Variants in SLC44A1 observed in about 807,000 individuals in gnomAD.
The protein encoded by SLC44A1 is solute carrier family 44 member 1.
A neutral mutation model predicts 79.3 loss-of-function variants in SLC44A1; 26 were observed. That is an observed-to-expected ratio of 0.33 (90% CI 0.24 to 0.46). SLC44A1 has a LOEUF of 0.46. SLC44A1 is among the 20% of genes least tolerant of loss of function. The probability of loss-of-function intolerance (pLI) is 1.00; values close to 1 mark genes in which losing one functional copy is unlikely to be tolerated. For missense variants in SLC44A1, 688 were observed against 798.1 expected (o/e 0.86, Z 1.66); for synonymous variants, 263 against 286.2 (o/e 0.92, Z 0.82).
At chr9:105,412,186 C>T (rs758195853) in intron 15 of SLC44A1, among the ~76,000 whole-genome samples, 2 of 152,070 alleles carry the variant, frequency 1.3e-5, no homozygotes, top group South Asian at 4.1e-4. Context: ...TGTTAAATAA[C>T]GTTTTAATTA....
intron 12 of SLC44A1, among the ~76,000 whole-genome samples, chr9:105,366,938 C>G (rs1564461922): frequency 1.4e-5 from 2 of 145,610 alleles, no homozygotes; most frequent in East Asian, 4.0e-4. Context: ...TATGCTGATA[C>G]TTTTTTTTTT....
In SLC44A1 at chr9:105,390,922, T is replaced by C. The variant is rs1004270194; in HGVS notation, c.*1866T>C. 2.0e-6 allele frequency: 2 copies of C among 979,972 alleles called. No homozygotes were observed. The highest frequency in any genetic ancestry group is 1.2e-4 in the Admixed American group (2 of 16,236). The allele number at this position is 979,972 out of a possible 1,614,324, so 60.7% of individuals were successfully genotyped here. A position where few individuals can be genotyped will look rare whatever the true frequency, so the allele number is the denominator to read the frequency against. On this transcript the variant is annotated 3_prime_UTR_variant, in exon 16 of 16. Coordinates refer to ENST00000374720, the MANE Select transcript of SLC44A1 (RefSeq NM_080546.5). ...GTATCACCAAACAGTATCGCTGTTC[T>C]CTTTTATTCATTTGAAATGAATATA...
intron 1 of SLC44A1, among the ~76,000 whole-genome samples, chr9:105,264,514 G>A (rs1215776714): frequency 3.3e-5 from 5 of 152,162 alleles, no homozygotes; most frequent in South Asian, 2.1e-4. Flanking sequence ...CTTAACAGCC[G>A]AGTCATGTAG....
intron 1 of SLC44A1, among the ~76,000 whole-genome samples, chr9:105,245,497 CCTCGCTTG>C (rs1829416255): frequency 6.6e-6 from 1 of 152,230 alleles, no homozygotes; most frequent in Admixed American, 6.5e-5. Flanking sequence ...GCTCCGCAGA[CCTCGCTTG>C]CTCGCTTGCA....
intron 1 of SLC44A1, among the ~76,000 whole-genome samples, chr9:105,289,977 C>T (rs538771144): frequency 6.6e-6 from 1 of 152,048 alleles, no homozygotes. Context: ...CCATGCCTGG[C>T]GAATTTGTTT....
rs1039295651 is a variant in SLC44A1, at chr9:105,390,374, A to G, written c.*1318A>G. 1.0e-6 allele frequency: 1 copy of G among 972,110 alleles called. No homozygotes were observed. Among genetic ancestry groups the G allele is most frequent in the South Asian group, 4.8e-5 (1 of 20,786 alleles). The allele number at this position is 972,110 out of a possible 1,614,324, so 60.2% of individuals were successfully genotyped here. ...AAAAAAGCTATTTTTGTTAATGTAA[A>G]GTAAATATTTCAGAGCAAATTTTTT... On this transcript the variant is annotated 3_prime_UTR_variant, in exon 16 of 16. Coordinates refer to ENST00000374720, the MANE Select transcript of SLC44A1 (RefSeq NM_080546.5).
chr9:105,279,223 C>T (rs1360669497), intron 1 of SLC44A1, among the ~76,000 whole-genome samples: 1 of 145,938 alleles, frequency 6.9e-6, no homozygotes, highest in Non-Finnish European at 1.5e-5. Context: ...TCAGTAAGAA[C>T]AACTTTAAGT....
chr9:105,263,489 A>T (rs1205885097), intron 1 of SLC44A1, among the ~76,000 whole-genome samples: 1 of 151,678 alleles, frequency 6.6e-6, no homozygotes, highest in Non-Finnish European at 1.5e-5. Context: ...TTATGCTTTC[A>T]TGATTAAATC....
At chr9:105,264,016 A>G (rs1270914752) in intron 1 of SLC44A1, among the ~76,000 whole-genome samples, 4 of 152,104 alleles carry the variant, frequency 2.6e-5, no homozygotes, top group African/African-American at 4.8e-5. Context: ...TCAATTTTTG[A>G]CATTAATTTT....
chr9:105,392,583 G>T lies in SLC44A1; in HGVS notation c.*3527G>T. ...GACCCCTTTATTCTGGACCCAAACT[G>T]CTTTAGAGCAGAGTTAATACCTCTC... is the stretch of plus-strand genomic sequence containing the variant. On this transcript the variant is annotated 3_prime_UTR_variant, in exon 16 of 16. Transcript: ENST00000374720. The T allele has an allele frequency of 1.0e-6, 1 of 985,182 alleles. No individual in the cohort carries two copies. The highest frequency in any genetic ancestry group is 4.7e-5 in the South Asian group (1 of 21,258). 61.0% of individuals were successfully genotyped at this position (985,182 alleles called of 1,614,324 possible). A position where few individuals can be genotyped will look rare whatever the true frequency, so the allele number is the denominator to read the frequency against.
At chr9:105,403,334 C>T (rs1828982515) in intron 15 of SLC44A1, among the ~76,000 whole-genome samples, 1 of 152,038 alleles carries the variant, frequency 6.6e-6, no homozygotes, top group African/African-American at 2.4e-5. Context: ...ACTGTGGAAG[C>T]AAAAATAACC....
intron 4 of SLC44A1, among the ~76,000 whole-genome samples, chr9:105,341,802 C>T (rs1435413143): frequency 6.6e-6 from 1 of 152,220 alleles, no homozygotes; most frequent in Non-Finnish European, 1.5e-5. Context: ...AAATTGTTCT[C>T]CAGTCTAACC....
At chr9:105,438,301 C>T in exon 16 of SLC44A1, 1 of 1,549,780 alleles carries the variant, frequency 6.5e-7, no homozygotes, top group Non-Finnish European at 8.7e-7. Flanking sequence ...GGTGACTGGT[C>T]TCATGAGCCC....
At chr9:105,295,892 CATA>C (rs969836605) in intron 1 of SLC44A1, among the ~76,000 whole-genome samples, 8 of 152,062 alleles carry the variant, frequency 5.3e-5, no homozygotes, top group African/African-American at 1.9e-4. Context: ...ATGTAGAAGA[CATA>C]ATATTTGTAA....
At chr9:105,324,972 C>G (rs1588781854) in intron 3 of SLC44A1, among the ~76,000 whole-genome samples, 2 of 152,172 alleles carry the variant, frequency 1.3e-5, no homozygotes, top group Admixed American at 1.3e-4. Context: ...CATAGAGTTA[C>G]CATATGATCC....
At chr9:105,387,791 G>C (rs1229714290) in intron 15 of SLC44A1, among the ~76,000 whole-genome samples, 2 of 152,292 alleles carry the variant, frequency 1.3e-5, no homozygotes, top group Admixed American at 6.5e-5. Flanking sequence ...TAGATGAATT[G>C]TAGTAGATCA....
chr9:105,383,140 C>T lies in SLC44A1; in HGVS notation c.1650C>T (p.Ser550=). 1 of 1,613,440 alleles carries T rather than the reference C, an allele frequency of 6.2e-7. No individual in the cohort carries two copies. Among genetic ancestry groups the T allele is most frequent in the Non-Finnish European group, 8.5e-7 (1 of 1,179,404 alleles). ...TGCTTCAGGTGCTGATAGTCTGCAG[C>T]ACAGGTTTAGCTGGGATTATGCTGC... ...LFLGKVLIVC[S]TGLAGIMLLN... The change falls in exon 14 of 16, where the codon AGC becomes AGT. Residue 550 remains serine (S), a synonymous_variant. Coordinates refer to ENST00000374720, the MANE Select transcript of SLC44A1 (RefSeq NM_080546.5).
chr9:105,304,667 C>G (rs1158880239), intron 2 of SLC44A1, among the ~76,000 whole-genome samples: 3 of 152,048 alleles, frequency 2.0e-5, no homozygotes, highest in Non-Finnish European at 2.9e-5. Context: ...TAATTCTATC[C>G]TTGTGATGAT....
At chr9:105,362,028 A>G (rs1431341033) in intron 8 of SLC44A1, among the ~76,000 whole-genome samples, 1 of 152,092 alleles carries the variant, frequency 6.6e-6, no homozygotes, top group Non-Finnish European at 1.5e-5. Context: ...CTTGTCTCCA[A>G]AATATATATG....
Sources: allele counts gnomAD v4.1 joint callset (sites outside exome capture counted in the v4.1 genomes callset), GRCh38; gene constraint gnomAD v4.1.1; transcripts MANE v1.5; gene names NCBI Gene and HGNC (gene_info 2026-07-23, HGNC 2026-07-21).